The following NLGN1 variants were observed in gnomAD, a reference collection of about 807,000 sequenced individuals.
NLGN1 encodes neuroligin 1, also known as neuroligin-1.
In NLGN1, 12 loss-of-function variants were observed where a neutral mutation model predicts 65.5. That is an observed-to-expected ratio of 0.18 (90% CI 0.12 to 0.30). The LOEUF (loss-of-function observed/expected upper bound fraction) is 0.30, where lower values mean the gene tolerates loss of function less well. Among genes scored for constraint, NLGN1 ranks in the 10% least tolerant of loss-of-function variants. NLGN1 has a pLI of 1.00. For synonymous variants in NLGN1, 350 were observed against 359.5 expected, an observed-to-expected ratio of 0.97 and a Z score of 0.30; for missense variants, 750 against 1,007.1, an observed-to-expected ratio of 0.74 and a Z score of 3.46.
intron 2 of NLGN1, among the ~76,000 whole-genome samples, chr3:173,464,432 A>C (rs1723944277): frequency 9.6e-6 from 1 of 104,076 alleles, no homozygotes; most frequent in Non-Finnish European, 1.8e-5. Context: ...GGTATCAGTT[A>C]CAATTTTTTT....
chr3:173,523,777 T>A (rs1022441899), intron 2 of NLGN1, among the ~76,000 whole-genome samples: 1 of 151,714 alleles, frequency 6.6e-6, no homozygotes, highest in African/African-American at 2.4e-5. Flanking sequence ...GATTGCTTTT[T>A]ATAATTCTGT....
In NLGN1 at chr3:173,496,671, T is replaced by C. The variant is rs542815955; in HGVS notation, c.-321+61593T>C. On this transcript the variant is annotated intron_variant, in intron 2 of 6. Coordinates refer to ENST00000457714, the Ensembl canonical transcript of NLGN1. ...GTTTGGAATATGAACATAAATGTGG[T>C]TGATGGAGAGACAAAATAAAGGATT... Among the ~76,000 whole-genome samples the C allele has an allele frequency of 1.5e-4, 23 of 151,868 alleles. No individual in the cohort carries two copies. The South Asian group carries it at 2.9e-3, about 19-fold the overall frequency.
At chr3:174,158,948 T>A (rs1422172212) in intron 4 of NLGN1, among the ~76,000 whole-genome samples, 1 of 151,570 alleles carries the variant, frequency 6.6e-6, no homozygotes, top group South Asian at 2.1e-4. Context: ...CACTCAACTT[T>A]TTTTCAGTCT....
At chr3:174,069,002 T>C (rs1397594505) in intron 4 of NLGN1, among the ~76,000 whole-genome samples, 1 of 152,114 alleles carries the variant, frequency 6.6e-6, no homozygotes, top group Non-Finnish European at 1.5e-5. Flanking sequence ...AACATAGTAG[T>C]ATTTAATTCT....
chr3:174,272,676 TAGATAGATA>T (rs1749654486), intron 4 of NLGN1, among the ~76,000 whole-genome samples: 1 of 142,654 alleles, frequency 7.0e-6, no homozygotes, highest in Non-Finnish European at 1.6e-5. Flanking sequence ...GATAGATAGA[TAGATAGATA>T]GATAGATAGA....
chr3:174,280,899 A>C lies in NLGN1; in HGVS notation c.2068A>C (p.Asn690His). 1 of 1,613,372 alleles carries C rather than the reference A, an allele frequency of 6.2e-7. No homozygotes were observed. The highest frequency in any genetic ancestry group is 8.5e-7 in the Non-Finnish European group (1 of 1,179,604). ...AGTTGGAGCATCACTGCTGTTTCTG[A>C]ACATCTTGGCCTTTGCAGCCCTGTA... Residue 690 changes from asparagine (N) to histidine (H), a missense_variant, in exon 7 of 7, where the codon AAC (asparagine) becomes CAC (histidine). By Grantham distance (68) the Asn-to-His change is moderately conservative (BLOSUM62 1). Coordinates refer to ENST00000457714, the Ensembl canonical transcript of NLGN1. The surrounding 1 kb of genome is among the most constrained non-coding windows in gnomAD (Gnocchi z 4.9).
chr3:174,247,470 G>C (rs986125523), intron 4 of NLGN1, among the ~76,000 whole-genome samples: 1 of 152,042 alleles, frequency 6.6e-6, no homozygotes, highest in African/African-American at 2.4e-5. Flanking sequence ...AAACTCTTCC[G>C]AAGAGCCTTT....
intron 4 of NLGN1, among the ~76,000 whole-genome samples, chr3:174,219,097 A>C (rs1485418189): frequency 1.3e-5 from 2 of 152,128 alleles, no homozygotes; most frequent in Admixed American, 6.6e-5. Context: ...ATATCAAAAA[A>C]ATGGTTTCCT....
At chr3:173,836,473 G>T (rs1462727335) in intron 4 of NLGN1, among the ~76,000 whole-genome samples, 1 of 151,892 alleles carries the variant, frequency 6.6e-6, no homozygotes, top group Non-Finnish European at 1.5e-5. Flanking sequence ...GCAAATCAGA[G>T]GATTTTGTAA....
intron 4 of NLGN1, among the ~76,000 whole-genome samples, chr3:174,034,866 G>A (rs1043695797): frequency 1.3e-5 from 2 of 152,042 alleles, no homozygotes; most frequent in Non-Finnish European, 2.9e-5. Context: ...AGTTTACACA[G>A]ACCAATTAAA....
At chr3:173,708,137 C>A (rs1407535963) in intron 3 of NLGN1, among the ~76,000 whole-genome samples, 1 of 152,010 alleles carries the variant, frequency 6.6e-6, no homozygotes, top group African/African-American at 2.4e-5. Context: ...ATAGTCCTGC[C>A]CCTAACGTTT....
At chr3:173,632,336 T>A (rs1376552033) in intron 3 of NLGN1, among the ~76,000 whole-genome samples, 2 of 152,176 alleles carry the variant, frequency 1.3e-5, no homozygotes, top group African/African-American at 2.4e-5. Flanking sequence ...TGCTTCATTT[T>A]CCCCCAGAGT....
At chr3:173,591,644 T>G (rs1364806729) in intron 2 of NLGN1, among the ~76,000 whole-genome samples, 1 of 152,212 alleles carries the variant, frequency 6.6e-6, no homozygotes, top group Non-Finnish European at 1.5e-5. Flanking sequence ...AACTTAGCAC[T>G]GCCTCTGCCA....
chr3:173,712,361 C>T (rs1266231800), intron 3 of NLGN1, among the ~76,000 whole-genome samples: 1 of 152,098 alleles, frequency 6.6e-6, no homozygotes, highest in Non-Finnish European at 1.5e-5. Flanking sequence ...TAACTTCCAA[C>T]CCTAAGGTAG....
chr3:173,821,881 T>C (rs1406445803), intron 4 of NLGN1, among the ~76,000 whole-genome samples: 2 of 152,162 alleles, frequency 1.3e-5, no homozygotes, highest in African/African-American at 2.4e-5. Flanking sequence ...TGCTAGAAAG[T>C]ATTTGTGAGA....
chr3:174,105,784 A>G (rs963373730), intron 4 of NLGN1, among the ~76,000 whole-genome samples: 12 of 150,008 alleles, frequency 8.0e-5, no homozygotes, highest in Non-Finnish European at 1.5e-4. Context: ...ACCTTTTCCA[A>G]TAGAAAATAA....
intron 4 of NLGN1, among the ~76,000 whole-genome samples, chr3:173,860,673 G>A (rs1379516002): frequency 6.6e-6 from 1 of 152,126 alleles, no homozygotes; most frequent in Non-Finnish European, 1.5e-5. Flanking sequence ...CAGCAGGTAG[G>A]GAAGTTTGGA....
At chr3:174,281,982 A>G (rs1751592025) in exon 7 of NLGN1, 1 of 152,298 alleles carries the variant, frequency 6.6e-6, no homozygotes, top group Non-Finnish European at 1.5e-5. Flanking sequence ...AATTCTTCTC[A>G]TCCCATTGGA....
intron 4 of NLGN1, among the ~76,000 whole-genome samples, chr3:174,031,191 G>A (rs960807007): frequency 6.6e-6 from 1 of 152,088 alleles, no homozygotes; most frequent in African/African-American, 2.4e-5. Context: ...TCCACAACCA[G>A]GGCCAACTCT....
Sources: allele counts gnomAD v4.1 joint callset (sites outside exome capture counted in the v4.1 genomes callset), GRCh38; gene constraint gnomAD v4.1.1; non-coding constraint Gnocchi (gnomAD v3.1); transcripts MANE v1.5; gene names NCBI Gene and HGNC (gene_info 2026-07-23, HGNC 2026-07-21).